Variants in DLGAP1 observed in about 807,000 individuals in gnomAD.
DLGAP1 encodes disks large-associated protein 1.
A neutral mutation model predicts 90.8 loss-of-function variants in DLGAP1; 11 were observed. The ratio of observed to expected loss-of-function variants is 0.12; its 90% CI spans 0.08 to 0.20. The LOEUF is 0.20. DLGAP1 is among the 10% of genes least tolerant of loss of function. The pLI is 1.00. For missense variants in DLGAP1, 1,050 were observed against 1,333.8 expected (o/e 0.79, Z 3.31); for synonymous variants, 558 against 540.7 (o/e 1.03, Z -0.44).
chr18:3,928,103 A>G (rs1167306632), intron 3 of DLGAP1, among the ~76,000 whole-genome samples: 1 of 152,054 alleles, frequency 6.6e-6, no homozygotes, highest in African/African-American at 2.4e-5. Flanking sequence ...ATCCACACAC[A>G]CTGCTATTTC....
intron 6 of DLGAP1, among the ~76,000 whole-genome samples, chr18:3,730,739 T>C (rs1414298042): frequency 1.3e-5 from 2 of 152,206 alleles, no homozygotes; most frequent in Non-Finnish European, 2.9e-5. Flanking sequence ...AAGTGACCAA[T>C]TACCTTAAGG....
At chr18:3,874,566 A>C (rs1390020487) in intron 4 of DLGAP1, 2 of 1,495,492 alleles carry the variant, frequency 1.3e-6, no homozygotes, top group African/African-American at 1.4e-5. Context: ...CTTTTATTCT[A>C]TCTCTGAACC....
chr18:3,688,868 A>C (rs1488786898), intron 7 of DLGAP1, among the ~76,000 whole-genome samples: 1 of 152,078 alleles, frequency 6.6e-6, no homozygotes, highest in African/African-American at 2.4e-5. Context: ...GAACCCTCCG[A>C]GGCCCTTTAC....
intron 1 of DLGAP1, among the ~76,000 whole-genome samples, chr18:4,296,032 CAGCACAAGGT>C (rs1439835220): frequency 6.6e-6 from 1 of 152,158 alleles, no homozygotes; most frequent in Admixed American, 6.6e-5. Flanking sequence ...AAAGTATAAC[CAGCACAAGGT>C]TAGTAAGGAG....
At chr18:4,099,535 T>C (rs2075744740) in intron 2 of DLGAP1, among the ~76,000 whole-genome samples, 1 of 152,188 alleles carries the variant, frequency 6.6e-6, no homozygotes, top group Non-Finnish European at 1.5e-5. Flanking sequence ...ATGTGAACCT[T>C]AATTAAAAAT....
At chr18:4,225,454 A>C (rs1272528555) in intron 1 of DLGAP1, among the ~76,000 whole-genome samples, 3 of 152,066 alleles carry the variant, frequency 2.0e-5, no homozygotes, top group Non-Finnish European at 4.4e-5. Context: ...CAAATGAACT[A>C]AATATGGCAC....
rs1367498910 is a variant in DLGAP1, at chr18:3,497,057, A to G, written c.*2128T>C. 2 of 152,102 alleles carry G rather than the reference A, an allele frequency of 1.3e-5. No individual in the cohort carries two copies. The highest frequency in any genetic ancestry group is 2.9e-5 in the Non-Finnish European group (2 of 68,036). 9.4% of individuals were successfully genotyped at this position (152,102 alleles called of 1,614,324 possible). A position where few individuals can be genotyped will look rare whatever the true frequency, so the allele number is the denominator to read the frequency against. On this transcript the variant is annotated 3_prime_UTR_variant, in exon 13 of 13. Transcript: ENST00000315677. ...ATTTCTTAATCCAAATCTCAACTCTACCTCAGGGCACGGAGCTGTAATTGT... is the reference window on the plus strand; with the variant it reads ...ATTTCTTAATCCAAATCTCAACTCTGCCTCAGGGCACGGAGCTGTAATTGT...
At chr18:4,265,663 C>CCCTTCCTT (rs551164051) in intron 1 of DLGAP1, among the ~76,000 whole-genome samples, 751 of 54,270 alleles carry the variant, frequency 0.014, 19 homozygotes, top group Middle Eastern at 0.025. Context: ...CTCCCTCCCT[C>CCCTTCCTT]CCTTCCTTCC....
At chr18:3,549,049 G>T (rs2053226188) in intron 9 of DLGAP1, among the ~76,000 whole-genome samples, 1 of 151,916 alleles carries the variant, frequency 6.6e-6, no homozygotes, top group African/African-American at 2.4e-5. Context: ...GAAGAAAAAA[G>T]AATATTTTTT....
At chr18:3,572,204 G>A (rs1406622981) in intron 8 of DLGAP1, among the ~76,000 whole-genome samples, 2 of 150,270 alleles carry the variant, frequency 1.3e-5, no homozygotes, top group African/African-American at 2.5e-5. Context: ...TCAGCCTCCC[G>A]GTTTCCGCTA....
chr18:4,042,606 G>A (rs1264374050), intron 2 of DLGAP1, among the ~76,000 whole-genome samples: 1 of 152,190 alleles, frequency 6.6e-6, no homozygotes, highest in Non-Finnish European at 1.5e-5. Flanking sequence ...GGTCAGGGGT[G>A]GCGTGCGCCT....
chr18:3,544,223 T>C (rs2052878650), intron 9 of DLGAP1, among the ~76,000 whole-genome samples: 1 of 152,134 alleles, frequency 6.6e-6, no homozygotes, highest in African/African-American at 2.4e-5. Context: ...AACCTGTCTC[T>C]ACTAAAAACA....
intron 7 of DLGAP1, among the ~76,000 whole-genome samples, chr18:3,728,837 A>AG (rs995215995): frequency 3.3e-5 from 5 of 152,156 alleles, no homozygotes; most frequent in Non-Finnish European, 7.4e-5. Context: ...ATCGGCTCCT[A>AG]GGACCTGTGT....
At chr18:3,916,402 A>G (rs1019265980) in intron 3 of DLGAP1, among the ~76,000 whole-genome samples, 16 of 152,212 alleles carry the variant, frequency 1.1e-4, no homozygotes, top group Admixed American at 2.0e-4. Flanking sequence ...GGCCTCAGAT[A>G]AGAACAGCTT....
chr18:3,782,005 TACGGGAG>T (rs2065218266), intron 5 of DLGAP1, among the ~76,000 whole-genome samples: 2 of 152,014 alleles, frequency 1.3e-5, no homozygotes. Context: ...TTAAAAACTC[TACGGGAG>T]ATTCTATTCC....
chr18:3,750,049 G>T (rs112078716), intron 5 of DLGAP1, among the ~76,000 whole-genome samples: 1 of 152,244 alleles, frequency 6.6e-6, no homozygotes, highest in Admixed American at 6.5e-5. Context: ...AGGTTTTGGG[G>T]TATGAGTGAT....
chr18:4,238,129 A>G (rs1568465765), intron 1 of DLGAP1, among the ~76,000 whole-genome samples: 1 of 152,108 alleles, frequency 6.6e-6, no homozygotes, highest in Non-Finnish European at 1.5e-5. Context: ...TGGATTTGGG[A>G]TGCTCAATTT....
chr18:3,949,010 T>C (rs2072929610), intron 3 of DLGAP1, among the ~76,000 whole-genome samples: 1 of 151,998 alleles, frequency 6.6e-6, no homozygotes, highest in Non-Finnish European at 1.5e-5. Context: ...AATTCTTTCA[T>C]AATAAAAAAG....
At chr18:4,010,648 T>G (rs1048477678) in intron 2 of DLGAP1, among the ~76,000 whole-genome samples, 1 of 152,208 alleles carries the variant, frequency 6.6e-6, no homozygotes, top group Admixed American at 6.5e-5. Flanking sequence ...ATGTATATAT[T>G]TTTTGCTTTC....
Sources: gnomAD v4.1 joint callset for allele counts (sites outside exome capture counted in the v4.1 genomes callset) on GRCh38, gnomAD v4.1.1 for gene constraint, MANE v1.5 for transcripts, NCBI Gene and HGNC (gene_info 2026-07-23, HGNC 2026-07-21) for gene names.